The following ACOX3 variants were observed in gnomAD, a reference collection of about 807,000 sequenced individuals.
The protein encoded by ACOX3 is acyl-CoA oxidase 3, pristanoyl.
Under a neutral mutation model 81.5 loss-of-function variants are expected in ACOX3, and 73 were observed. The ratio of observed to expected loss-of-function variants is 0.90; its 90% CI spans 0.74 to 1.09. The LOEUF (loss-of-function observed/expected upper bound fraction) is 1.09. Among genes scored for constraint, ACOX3 ranks in the 50% least tolerant of loss-of-function variants. The pLI is 0.00. For missense variants in ACOX3, 947 were observed against 928.0 expected (o/e 1.02, Z -0.27); for synonymous variants, 387 against 375.1 (o/e 1.03, Z -0.37).
Position 8,413,067 on chromosome 4 carries a change from C to T in ACOX3, c.543+1225G>A, listed in dbSNP as rs368658105. Among the ~76,000 whole-genome samples, 11 of 136,622 alleles carry T rather than the reference C, an allele frequency of 8.1e-5. No individual in the cohort carries two copies. In the East Asian group the frequency reaches 1.2e-3, roughly 14 times the overall value. The allele number at this position is 136,622 out of a possible 152,430, so 89.6% of individuals were successfully genotyped here. On this transcript the variant is annotated intron_variant, in intron 5 of 17. Coordinates refer to ENST00000356406, the MANE Select transcript of ACOX3 (RefSeq NM_003501.3). ...ATCTGTGGCCTATCTCCCTCCACCC[C>T]GCACCCCTCCTCAGCACTGACAGCC... is the stretch of plus-strand genomic sequence containing the variant.
rs113743805 is a variant in ACOX3 at position 8,392,366 on chromosome 4, G to T, written c.1267C>A (p.Arg423=). 1.2e-6 allele frequency: 2 copies of T among 1,605,958 alleles called. No homozygotes were observed. The highest frequency in any genetic ancestry group is 4.5e-5 in the East Asian group (2 of 44,210). The stretch of plus-strand genomic sequence containing the variant: ...TAGCCGTGTCCTCCACACGCCTCCC[G>T]GCATTCCTGAATTCCTTGCTGGGTG... The part of the protein sequence containing the change: ...WTTQQGIQEC[R]EACGGHGYLA... The change falls in exon 11 of 18, where the codon CGG becomes AGG. Residue 423 remains arginine, a synonymous_variant. Coordinates refer to ENST00000356406, the MANE Select transcript of ACOX3 (RefSeq NM_003501.3).
At chr4:8,373,251 A>G (rs1716461757) in intron 16 of ACOX3, among the ~76,000 whole-genome samples, 1 of 152,078 alleles carries the variant, frequency 6.6e-6, no homozygotes, top group South Asian at 2.1e-4. Flanking sequence ...ATGTAGCCAT[A>G]TTTTCTTGTA....
chr4:8,396,042 C>T (rs1356701449), intron 9 of ACOX3, among the ~76,000 whole-genome samples: 2 of 152,218 alleles, frequency 1.3e-5, no homozygotes, highest in South Asian at 2.1e-4. Flanking sequence ...AGGGCACGTT[C>T]GCTGTGACAG....
At chr4:8,398,718 T>C (rs540878198) in intron 8 of ACOX3, among the ~76,000 whole-genome samples, 16 of 152,168 alleles carry the variant, frequency 1.1e-4, no homozygotes, top group Non-Finnish European at 2.1e-4. Flanking sequence ...TCAAGCGATC[T>C]GCCCACTTTG....
chr4:8,425,561 A>C (rs1462853684), intron 1 of ACOX3, among the ~76,000 whole-genome samples: 1 of 150,740 alleles, frequency 6.6e-6, no homozygotes, highest in Non-Finnish European at 1.5e-5. Flanking sequence ...AGGGCCTATG[A>C]AGTGTGGCAA....
rs187311461 is a variant in ACOX3 at position 8,366,679 on chromosome 4, C to T, written c.*282G>A. 10 of 252,850 alleles carry T rather than the reference C, an allele frequency of 4.0e-5. No homozygotes were observed. The highest frequency in any genetic ancestry group is 1.0e-4 in the Admixed American group (2 of 20,050). The allele number at this position is 252,850 out of a possible 1,614,324, so 15.7% of individuals were successfully genotyped here. On this transcript the variant is annotated 3_prime_UTR_variant, in exon 18 of 18. Transcript: ENST00000356406. ...AGCTGAACCCTGAAAACTGAATGTG[C>T]GAAATTCTAATTATCAAAAAACCCA...
rs1015106139 is a variant in ACOX3, at chr4:8,388,967, A to T, written c.1537+206T>A. Among the ~76,000 whole-genome samples the T allele has an allele frequency of 6.6e-5, 10 of 152,250 alleles. No homozygotes were observed. In the East Asian group the frequency reaches 1.7e-3, roughly 27 times the overall value. Reference sequence around the variant, plus strand: ...GTGGCAAGTGGGCATCCTTCAATTCATCTGTGGAGTCAGCGCCTAACTCGG... The same window carrying T: ...GTGGCAAGTGGGCATCCTTCAATTCTTCTGTGGAGTCAGCGCCTAACTCGG... On this transcript the variant is annotated intron_variant, in intron 13 of 17. Transcript: ENST00000356406.
In ACOX3 at chr4:8,386,076, T is replaced by C. The variant is rs1718258801; in HGVS notation, c.1537+3097A>G. 6.6e-6 allele frequency among the ~76,000 whole-genome samples: 1 copy of C among 152,228 alleles called. No homozygotes were observed. The highest frequency in any genetic ancestry group is 1.5e-5 in the Non-Finnish European group (1 of 68,050). Reference sequence around the variant, plus strand: ...GATGGAGAGACTGTAAAATTGCTTTTGCTTTCAGTCTCAGGGGAAGGGGAG... The same window carrying C: ...GATGGAGAGACTGTAAAATTGCTTTCGCTTTCAGTCTCAGGGGAAGGGGAG... On this transcript the variant is annotated intron_variant, in intron 13 of 17. Coordinates refer to ENST00000356406, the MANE Select transcript of ACOX3 (RefSeq NM_003501.3). The surrounding 1 kb of genome is among the most constrained non-coding windows in gnomAD (Gnocchi z 5.2).
chr4:8,419,488 G>A lies in ACOX3; in HGVS notation c.-14-2953C>T, dbSNP rs937809908. 6.6e-6 allele frequency among the ~76,000 whole-genome samples: 1 copy of A among 152,014 alleles called. No individual in the cohort carries two copies. Among genetic ancestry groups the A allele is most frequent in the African/African-American group, 2.4e-5 (1 of 41,364 alleles). The stretch of plus-strand genomic sequence containing the variant: ...ACAGAAAAATAATCACAAGTATTGA[G>A]AGGATGTGGAGAAATCAGACTCTCA... On this transcript the variant is annotated intron_variant, in intron 1 of 17. Coordinates refer to ENST00000356406, the MANE Select transcript of ACOX3 (RefSeq NM_003501.3). The surrounding 1 kb of genome is among the most constrained non-coding windows in gnomAD (Gnocchi z 4.2).
At chr4:8,376,347 T>TG (rs1716958716) in intron 14 of ACOX3, among the ~76,000 whole-genome samples, 1 of 77,306 alleles carries the variant, frequency 1.3e-5, no homozygotes, top group African/African-American at 8.2e-5. Context: ...ACTTTTAAAA[T>TG]TAAAAAAAAA....
chr4:8,415,989 A>T lies in ACOX3; in HGVS notation c.155T>A (p.Phe52Tyr). 1 of 1,614,086 alleles carries T rather than the reference A, an allele frequency of 6.2e-7. No individual in the cohort carries two copies. The highest frequency in any genetic ancestry group is 1.1e-5 in the South Asian group (1 of 91,056). Residue 52 changes from phenylalanine (F) to tyrosine (Y), a missense_variant, in exon 3 of 18, where the codon TTC becomes TAC. Transcript: ENST00000356406. ...EGMLRFKKTIFSALENDPLFA... is the reference protein window; with the variant it reads ...EGMLRFKKTIYSALENDPLFA... ...AAGAGGGTCATTCTCAAGAGCTGAG[A>T]AGATGGTTTTCTGGAAATGCAGGAG...
chr4:8,415,640 A>T, intron 3 of ACOX3, 126 bp downstream of exon 3: 1 of 761,914 alleles, frequency 1.3e-6, no homozygotes, highest in Non-Finnish European at 2.1e-6. Context: ...GATAATTTTT[A>T]AAATTTGCAA....
chr4:8,399,768 G>A lies in ACOX3; in HGVS notation c.777-116C>T, dbSNP rs2108902777. ...CCCGAGGACAAAGAAAATGGCAGAG[G>A]GCAAGTAGACAGGAACATTCAACCA... On this transcript the variant is annotated intron_variant, in intron 7 of 17. Transcript: ENST00000356406. The surrounding 1 kb of genome is among the most constrained non-coding windows in gnomAD (Gnocchi z 4.9). 1 of 880,574 alleles carries A rather than the reference G, an allele frequency of 1.1e-6. No homozygotes were observed. The highest frequency in any genetic ancestry group is 1.6e-5 in the South Asian group (1 of 63,988). 54.5% of individuals were successfully genotyped at this position (880,574 alleles called of 1,614,324 possible). A position where few individuals can be genotyped will look rare whatever the true frequency, so the allele number is the denominator to read the frequency against.
At chr4:8,375,220 A>C (rs1716789603) in intron 14 of ACOX3, 68 bp from the exon 15 acceptor site, 1 of 1,439,794 alleles carries the variant, frequency 6.9e-7, no homozygotes, top group African/African-American at 1.4e-5. Context: ...CGGGGGAGGA[A>C]GTTCTCAGGA....
chr4:8,363,694 G>A (rs1031444426), downstream of ACOX3, among the ~76,000 whole-genome samples: 2 of 152,190 alleles, frequency 1.3e-5, no homozygotes, highest in Non-Finnish European at 2.9e-5. Flanking sequence ...CACAGGATGA[G>A]ATGAGGTCGG....
At chr4:8,390,342 C>CA (rs138926683) in intron 11 of ACOX3, among the ~76,000 whole-genome samples, 93 of 133,962 alleles carry the variant, frequency 6.9e-4, no homozygotes, top group African/African-American at 1.1e-3. Flanking sequence ...AGACTCTGAC[C>CA]AAAAAAAAAA....
chr4:8,409,058 G>A (rs1721389166), intron 6 of ACOX3, among the ~76,000 whole-genome samples: 1 of 152,198 alleles, frequency 6.6e-6, no homozygotes, highest in African/African-American at 2.4e-5. Context: ...TGTGATGGCT[G>A]CATGACAGTA....
At chr4:8,410,572 A>T (rs1413867320) in intron 5 of ACOX3, among the ~76,000 whole-genome samples, 1 of 152,216 alleles carries the variant, frequency 6.6e-6, no homozygotes, top group Non-Finnish European at 1.5e-5. Context: ...CTTCAGATGC[A>T]AAATACTCCG....
rs1482721987 is a variant in ACOX3 at position 8,385,898 on chromosome 4, G to C, written c.1537+3275C>G. ...GGCAGAACCCACAAGCTTCCCTGCGGCGTGAGGGATAATGGCGGTCTCTCT... is the reference window on the plus strand; with the variant it reads ...GGCAGAACCCACAAGCTTCCCTGCGCCGTGAGGGATAATGGCGGTCTCTCT... On this transcript the variant is annotated intron_variant, in intron 13 of 17. Coordinates refer to ENST00000356406, the MANE Select transcript of ACOX3 (RefSeq NM_003501.3). The surrounding 1 kb of genome is among the most constrained non-coding windows in gnomAD (Gnocchi z 5.5). Among the ~76,000 whole-genome samples, 1 of 152,248 alleles carries C rather than the reference G, an allele frequency of 6.6e-6. No individual in the cohort carries two copies. Among genetic ancestry groups the C allele is most frequent in the Non-Finnish European group, 1.5e-5 (1 of 68,042 alleles).
Sources: allele counts gnomAD v4.1 joint callset (sites outside exome capture counted in the v4.1 genomes callset), GRCh38; gene constraint gnomAD v4.1.1; non-coding constraint Gnocchi (gnomAD v3.1); transcripts MANE v1.5; gene names NCBI Gene and HGNC (gene_info 2026-07-23, HGNC 2026-07-21).